Variants in DNAH10 observed in about 807,000 individuals in gnomAD.
The protein encoded by DNAH10 is axonemal beta dynein heavy chain 10.
DNAH10 carries 348 observed loss-of-function variants against 506.6 expected under a neutral mutation model. That is an observed-to-expected ratio of 0.69 (90% CI 0.63 to 0.75). The LOEUF is 0.75. DNAH10 is among the 30% of genes least tolerant of loss of function. The probability of loss-of-function intolerance (pLI) is 0.00; values close to 1 mark genes in which losing one functional copy is unlikely to be tolerated. For synonymous variants in DNAH10, 2,059 were observed against 2,198.6 expected (o/e 0.94, Z 1.78); for missense variants, 5,179 against 5,787.1 (o/e 0.89, Z 3.41).
At chr12:123,842,539 A>G (rs1216210944) in intron 30 of DNAH10, among the ~76,000 whole-genome samples, 1 of 152,232 alleles carries the variant, frequency 6.6e-6, no homozygotes, top group Non-Finnish European at 1.5e-5. Context: ...GATTTTGTAC[A>G]CTGCCTTTTT....
chr12:123,904,663 T>C (rs1293474813), intron 57 of DNAH10, among the ~76,000 whole-genome samples: 1 of 152,232 alleles, frequency 6.6e-6, no homozygotes, highest in South Asian at 2.1e-4. Context: ...CATACATGGC[T>C]CTGCCTCTTT....
rs1202227248 is a variant in DNAH10, at chr12:123,789,922, G to T, written c.1621-5G>T. On this transcript the variant is annotated splice_region_variant and splice_polypyrimidine_tract_variant and intron_variant, in intron 10 of 78. Transcript: ENST00000673944. The stretch of plus-strand genomic sequence containing the variant: ...ATCTCCTCATTGTTCCGTTTGATTG[G>T]ACAGATTTTGGAGGAATTTTATAAC... 3 of 1,608,522 alleles carry T rather than the reference G, an allele frequency of 1.9e-6. No individual in the cohort carries two copies. In the South Asian group the frequency reaches 3.3e-5, roughly 18 times the overall value.
In DNAH10 at chr12:123,846,186, C is replaced by T. The variant is rs1023233418; in HGVS notation, c.5814+32C>T. On this transcript the variant is annotated intron_variant, in intron 32 of 78. Coordinates refer to ENST00000673944, the MANE Select transcript of DNAH10 (RefSeq NM_001372106.1). The surrounding 1 kb of genome is among the most constrained non-coding windows in gnomAD (Gnocchi z 4.5). ...GCCAGCCTGGCACTTGTGGTTACCA[C>T]TTACCTTGGGGCGGGGCATTTTCTC... 2 of 1,595,352 alleles carry T rather than the reference C, an allele frequency of 1.3e-6. No homozygotes were observed. Among genetic ancestry groups the T allele is most frequent in the Admixed American group, 1.7e-5 (1 of 58,276 alleles).
rs1361363063 is a variant in DNAH10, at chr12:123,913,488, C to G, written c.10352+173C>G. Among the ~76,000 whole-genome samples, 1 of 152,160 alleles carries G rather than the reference C, an allele frequency of 6.6e-6. No individual in the cohort carries two copies. Among genetic ancestry groups the G allele is most frequent in the Non-Finnish European group, 1.5e-5 (1 of 68,032 alleles). ...GCAGCTAATGGCTATTTTATAGGCT[C>G]TTGTTTGTATTAGGCACTGAGTGTT... On this transcript the variant is annotated intron_variant, in intron 60 of 78. Transcript: ENST00000673944. The surrounding 1 kb of genome is among the most constrained non-coding windows in gnomAD (Gnocchi z 5.1).
chr12:123,870,302 G>A (rs905296989), intron 43 of DNAH10, 64 bp from the exon 44 acceptor site: 1 of 1,564,270 alleles, frequency 6.4e-7, no homozygotes, highest in Non-Finnish European at 8.7e-7. Context: ...TCAAGCATGT[G>A]CCAGAACTGC....
intron 18 of DNAH10, among the ~76,000 whole-genome samples, chr12:123,806,789 A>G (rs1958691299): frequency 7.1e-6 from 1 of 141,542 alleles, no homozygotes; most frequent in East Asian, 2.0e-4. Flanking sequence ...TTTTTTTGAG[A>G]CGGAGTCTTG....
intron 2 of DNAH10, 45 bp from the exon 3 acceptor site, chr12:123,771,556 C>A: frequency 6.4e-7 from 1 of 1,554,312 alleles, no homozygotes; most frequent in South Asian, 1.2e-5. Flanking sequence ...GGTAGGAAAC[C>A]TAATTTTCTG....
chr12:123,909,592 C>A lies in DNAH10; in HGVS notation c.9997+150C>A. 9.2e-7 allele frequency: 1 copy of A among 1,085,942 alleles called. No individual in the cohort carries two copies. The highest frequency in any genetic ancestry group is 1.3e-6 in the Non-Finnish European group (1 of 785,648). 67.3% of individuals were successfully genotyped at this position (1,085,942 alleles called of 1,614,324 possible). ...TCGGATGGAACAGGCAACTGATGGTCACCAGAGGAAAACAGCAGCCCCATG... is the reference window on the plus strand; with the variant it reads ...TCGGATGGAACAGGCAACTGATGGTAACCAGAGGAAAACAGCAGCCCCATG... On this transcript the variant is annotated intron_variant, in intron 58 of 78. Transcript: ENST00000673944. The surrounding 1 kb of genome is among the most constrained non-coding windows in gnomAD (Gnocchi z 5.4).
intron 44 of DNAH10, 149 bp downstream of exon 44, chr12:123,870,634 C>T: frequency 8.3e-7 from 1 of 1,210,062 alleles, no homozygotes. Flanking sequence ...GAGCTGTGGG[C>T]CCTCCTGGGC....
chr12:123,811,415 C>T lies in DNAH10; in HGVS notation c.3145-1749C>T, dbSNP rs566173497. 1.2e-3 allele frequency among the ~76,000 whole-genome samples: 185 copies of T among 152,116 alleles called. 1 individual carries two copies. The highest frequency in any genetic ancestry group is 2.2e-3 in the Non-Finnish European group (147 of 67,978). ...TCAGCTCACTGCAACCTCCACCTCC[C>T]GGGTGTGAGTGATTCTCCTGCCTCA... On this transcript the variant is annotated intron_variant, in intron 19 of 78. Coordinates refer to ENST00000673944, the MANE Select transcript of DNAH10 (RefSeq NM_001372106.1).
chr12:123,835,688 G>GATCGTGGCTCCCTGTAGCCTTGAACTT (rs1434581716), intron 28 of DNAH10, among the ~76,000 whole-genome samples, 160 bp downstream of exon 28: 2 of 152,140 alleles, frequency 1.3e-5, no homozygotes, highest in African/African-American at 4.8e-5. Flanking sequence ...GCAGTGATGT[G>GATCGTGGCTCCCTGTAGCCTTGAACTT]ATCGTGGCTC....
intron 76 of DNAH10, chr12:123,932,659 A>G (rs765294014): frequency 6.5e-6 from 1 of 153,786 alleles, no homozygotes. Flanking sequence ...ACCACAGTCT[A>G]TGAGAGTGCT....
chr12:123,826,780 A>G lies in DNAH10; in HGVS notation c.4273A>G (p.Lys1425Glu), dbSNP rs1305317927. ...TGAAGGTTTTCTCAGGGCTCTCAGA[A>G]AGCTACCTCGGCCAGTCCGTGGCTT... ...GIEGFLRALR[K>E]LPRPVRGLSV... The change falls in exon 25 of 79, where the codon AAG (lysine) becomes GAG (glutamate). Residue 1425 changes from lysine (K) to glutamate (E), a missense_variant. Transcript: ENST00000673944. 1 of 1,613,864 alleles carries G rather than the reference A, an allele frequency of 6.2e-7. No individual in the cohort carries two copies. Among genetic ancestry groups the G allele is most frequent in the Non-Finnish European group, 8.5e-7 (1 of 1,179,880 alleles).
At chr12:123,797,773 A>G (rs973662838) in intron 13 of DNAH10, among the ~76,000 whole-genome samples, 3 of 152,210 alleles carry the variant, frequency 2.0e-5, no homozygotes, top group African/African-American at 7.2e-5. Flanking sequence ...TCCTGTATTG[A>G]ATTTTCAGCT....
chr12:123,890,439 T>TA lies in DNAH10; in HGVS notation c.8996-2781dup, dbSNP rs1272003377. Among the ~76,000 whole-genome samples, 885 of 140,050 alleles carry TA rather than the reference T, an allele frequency of 6.3e-3. 2 individuals are homozygous for TA. The highest frequency in any genetic ancestry group is 0.019 in the Middle Eastern group (5 of 266). The allele number at this position is 140,050 out of a possible 152,430, so 91.9% of individuals were successfully genotyped here. A position where few individuals can be genotyped will look rare whatever the true frequency, so the allele number is the denominator to read the frequency against. ...ATGCATCTCACCACAACCAGCTGAT[T>TA]AAAAAAAAAAAAACACACTTTTTTT... On this transcript the variant is annotated intron_variant, in intron 52 of 78. Coordinates refer to ENST00000673944, the MANE Select transcript of DNAH10 (RefSeq NM_001372106.1).
chr12:123,898,805 A>AC lies in DNAH10; in HGVS notation c.9633dup (p.Ala3212ArgfsTer59). On this transcript the variant is annotated frameshift_variant, in exon 56 of 79. Transcript: ENST00000673944. LOFTEE classifies it high-confidence loss of function. ...CTTGCTGGAGGAGATCGCCGTCAAC[A>AC]CCGCTGTAGGTGAGTGAGGGCGGGG... 1 of 1,609,012 alleles carries AC rather than the reference A, an allele frequency of 6.2e-7. No individual in the cohort carries two copies. The highest frequency in any genetic ancestry group is 8.5e-7 in the Non-Finnish European group (1 of 1,177,812).
chr12:123,898,925 G>T, intron 56 of DNAH10, 111 bp downstream of exon 56: 1 of 1,418,788 alleles, frequency 7.0e-7, no homozygotes, highest in Non-Finnish European at 9.3e-7. Flanking sequence ...GCTCTGCCAG[G>T]CCGTCCCTGT....
intron 13 of DNAH10, 42 bp from the exon 14 acceptor site, chr12:123,799,204 A>G (rs1268581897): frequency 2.1e-6 from 3 of 1,409,834 alleles, no homozygotes; most frequent in South Asian, 1.7e-5. Flanking sequence ...GAAAAATGTT[A>G]TTTTCAAGGA....
At chr12:123,776,801 C>T (rs192992329) in intron 5 of DNAH10, among the ~76,000 whole-genome samples, 1 of 152,160 alleles carries the variant, frequency 6.6e-6, no homozygotes, top group South Asian at 2.1e-4. Flanking sequence ...ATTCATTGAG[C>T]ACCTACTGTA....
Sources: allele counts gnomAD v4.1 joint callset (sites outside exome capture counted in the v4.1 genomes callset), GRCh38; gene constraint gnomAD v4.1.1; non-coding constraint Gnocchi (gnomAD v3.1); transcripts MANE v1.5; gene names NCBI Gene and HGNC (gene_info 2026-07-23, HGNC 2026-07-21).